VMP1: variants seen among roughly 807,000 people sequenced by gnomAD.
VMP1 encodes vacuole membrane protein 1.
VMP1 carries 11 observed loss-of-function variants against 56.0 expected under a neutral mutation model. The observed-to-expected ratio is 0.20, with a 90% confidence interval of 0.12 to 0.32. The LOEUF (loss-of-function observed/expected upper bound fraction) is 0.32. Ranked by LOEUF, VMP1 falls within the 10% of genes least tolerant of loss-of-function variation. The probability of loss-of-function intolerance (pLI) is 1.00; values close to 1 mark genes in which losing one functional copy is unlikely to be tolerated. For missense variants in VMP1, 296 were observed against 490.3 expected, an observed-to-expected ratio of 0.60 and a Z score of 3.74; for synonymous variants, 149 against 165.0, an observed-to-expected ratio of 0.90 and a Z score of 0.74.
chr17:59,747,095 G>T (rs912747179), intron 5 of VMP1, among the ~76,000 whole-genome samples: 1 of 152,144 alleles, frequency 6.6e-6, no homozygotes, highest in Non-Finnish European at 1.5e-5. Flanking sequence ...ATAAATATAT[G>T]TGTGTAGAGC....
rs2039047938 is a variant in VMP1 at position 59,838,280 on chromosome 17, G to C, written c.975-15G>C. ...AATGTGTCTTTTTCTTTGGGCTACT[G>C]TACCCTGCTTCCAGTGCTGTCCCCG... On this transcript the variant is annotated splice_polypyrimidine_tract_variant and intron_variant, in intron 10 of 11. Transcript: ENST00000262291. The C allele has an allele frequency of 6.2e-7, 1 of 1,611,644 alleles. No homozygotes were observed. The highest frequency in any genetic ancestry group is 8.5e-7 in the Non-Finnish European group (1 of 1,178,314).
At chr17:59,807,459 A>G (rs1178162002) in intron 7 of VMP1, among the ~76,000 whole-genome samples, 1 of 151,674 alleles carries the variant, frequency 6.6e-6, no homozygotes, top group Non-Finnish European at 1.5e-5. Flanking sequence ...AGCCTCCCAA[A>G]GTGCTGGGAT....
At chr17:59,819,854 G>A (rs1476867788) in intron 10 of VMP1, among the ~76,000 whole-genome samples, 1 of 152,198 alleles carries the variant, frequency 6.6e-6, no homozygotes, top group African/African-American at 2.4e-5. Context: ...TGCATTATTT[G>A]TTCTTTTCTT....
intron 6 of VMP1, among the ~76,000 whole-genome samples, chr17:59,772,138 G>A (rs938452005): frequency 2.6e-5 from 4 of 151,578 alleles, no homozygotes; most frequent in South Asian, 2.1e-4. Flanking sequence ...CTACAGTCAC[G>A]CACCACCATG....
intron 6 of VMP1, among the ~76,000 whole-genome samples, chr17:59,768,109 C>CA (rs11326509): frequency 2.0e-5 from 3 of 149,896 alleles, no homozygotes; most frequent in African/African-American, 4.9e-5. Context: ...GACTCCATCT[C>CA]AAAAAAAAAA....
intron 7 of VMP1, among the ~76,000 whole-genome samples, chr17:59,780,725 T>C (rs2036791581): frequency 6.6e-6 from 1 of 152,136 alleles, no homozygotes; most frequent in South Asian, 2.1e-4. Flanking sequence ...TAGCTGGGAT[T>C]ATAGGCGTCC....
chr17:59,780,595 G>GT (rs969424723), intron 7 of VMP1, among the ~76,000 whole-genome samples: 18 of 151,516 alleles, frequency 1.2e-4, no homozygotes, highest in South Asian at 4.2e-4. Flanking sequence ...TTTGTTTTTT[G>GT]TTTTTTTTGA....
chr17:59,724,079 G>A (rs567860294), intron 1 of VMP1, among the ~76,000 whole-genome samples: 1 of 152,116 alleles, frequency 6.6e-6, no homozygotes, highest in East Asian at 1.9e-4. Flanking sequence ...GGACATGTTA[G>A]CATGTTCCTG....
At chr17:59,815,439 A>G (rs2038191780) in intron 9 of VMP1, among the ~76,000 whole-genome samples, 2 of 150,108 alleles carry the variant, frequency 1.3e-5, no homozygotes, top group Admixed American at 1.3e-4. Context: ...CACACACAGT[A>G]TTATAAACTC....
chr17:59,715,455 AACTC>A (rs1479740993), intron 1 of VMP1, among the ~76,000 whole-genome samples: 7 of 152,128 alleles, frequency 4.6e-5, no homozygotes, highest in African/African-American at 7.2e-5. Flanking sequence ...ATCTCGTGAG[AACTC>A]ACTCACTATC....
intron 9 of VMP1, 22 bp downstream of exon 9, chr17:59,811,808 C>A: frequency 6.9e-7 from 1 of 1,447,292 alleles, no homozygotes; most frequent in Non-Finnish European, 9.7e-7. Context: ...CCCTGATTCA[C>A]TGCCTAATGA....
chr17:59,753,858 GT>G (rs1440765005), intron 5 of VMP1, among the ~76,000 whole-genome samples: 6 of 152,078 alleles, frequency 3.9e-5, no homozygotes, highest in African/African-American at 1.4e-4. Context: ...TAAAGTGTTA[GT>G]TTTACTTTCT....
intron 1 of VMP1, among the ~76,000 whole-genome samples, chr17:59,719,163 A>C (rs915606911): frequency 1.3e-5 from 2 of 152,152 alleles, no homozygotes; most frequent in African/African-American, 4.8e-5. Flanking sequence ...TTTTAGGGAA[A>C]TCTACAGCTA....
At chr17:59,717,370 GA>G (rs1324310179) in intron 1 of VMP1, among the ~76,000 whole-genome samples, 1 of 152,022 alleles carries the variant, frequency 6.6e-6, no homozygotes, top group Non-Finnish European at 1.5e-5. Context: ...TGAGAAATGG[GA>G]TTTTTCTTTT....
chr17:59,759,663 G>T (rs576190852), intron 5 of VMP1, among the ~76,000 whole-genome samples: 1 of 151,416 alleles, frequency 6.6e-6, no homozygotes, highest in South Asian at 2.1e-4. Flanking sequence ...TTCTTTTCTG[G>T]GTTCTTAATA....
chr17:59,791,012 T>C (rs916963866), intron 7 of VMP1, among the ~76,000 whole-genome samples: 2 of 152,072 alleles, frequency 1.3e-5, no homozygotes, highest in African/African-American at 4.8e-5. Flanking sequence ...TTTATATCTC[T>C]CCTAGCATGA....
At chr17:59,723,418 T>C (rs957257945) in intron 1 of VMP1, among the ~76,000 whole-genome samples, 1 of 151,800 alleles carries the variant, frequency 6.6e-6, no homozygotes, top group Admixed American at 6.6e-5. Flanking sequence ...GGAGGAAAAA[T>C]GAAAGTATTT....
intron 7 of VMP1, among the ~76,000 whole-genome samples, chr17:59,793,075 C>T (rs1185104625): frequency 9.0e-6 from 1 of 110,498 alleles, no homozygotes; most frequent in African/African-American, 2.7e-5. Context: ...TGCAATGGCA[C>T]AATCTTGGCT....
intron 7 of VMP1, among the ~76,000 whole-genome samples, chr17:59,783,762 C>T (rs1033041523): frequency 2.6e-5 from 4 of 152,084 alleles, no homozygotes; most frequent in Non-Finnish European, 5.9e-5. Context: ...TCTCCCTTCC[C>T]GCTACTGTTT....
Sources: gnomAD v4.1 joint callset for allele counts (sites outside exome capture counted in the v4.1 genomes callset) on GRCh38, gnomAD v4.1.1 for gene constraint, MANE v1.5 for transcripts, NCBI Gene and HGNC (gene_info 2026-07-23, HGNC 2026-07-21) for gene names.